Variants in COQ10B observed in about 807,000 individuals in gnomAD.
COQ10B encodes coenzyme Q10B, also known as coenzyme Q-binding protein COQ10 homolog B, mitochondrial.
In COQ10B, 12 loss-of-function variants were observed where a neutral mutation model predicts 27.6. The observed-to-expected ratio is 0.43, with a 90% CI of 0.28 to 0.70. The LOEUF (loss-of-function observed/expected upper bound fraction) is 0.70, where lower values mean the gene tolerates loss of function less well. Ranked by LOEUF, COQ10B falls within the 30% of genes least tolerant of loss-of-function variation. The pLI is 0.17. For synonymous variants in COQ10B, 115 were observed against 103.0 expected (o/e 1.12, Z -0.71); for missense variants, 278 against 288.7 (o/e 0.96, Z 0.27).
chr2:197,466,043 G>C (rs184585176), intron 3 of COQ10B, among the ~76,000 whole-genome samples: 1 of 152,232 alleles, frequency 6.6e-6, no homozygotes. Context: ...AGTGAGCCGA[G>C]ATCGCGCCAT....
intron 1 of COQ10B, among the ~76,000 whole-genome samples, chr2:197,454,840 A>G (rs1479291346): frequency 6.6e-6 from 1 of 152,156 alleles, no homozygotes; most frequent in African/African-American, 2.4e-5. Context: ...CCTTTATTAT[A>G]CTTAAGTATA....
At position 197,473,928 on chromosome 2, in the gene COQ10B, C is replaced by T. The variant is rs1358220399; in HGVS notation, c.*4C>T. 7 of 1,471,624 alleles carry T rather than the reference C, an allele frequency of 4.8e-6. No homozygotes were observed. Among genetic ancestry groups the T allele is most frequent in the Non-Finnish European group, 6.4e-6 (7 of 1,101,346 alleles). 91.2% of individuals were successfully genotyped at this position (1,471,624 alleles called of 1,614,324 possible). On this transcript the variant is annotated 3_prime_UTR_variant, in exon 5 of 5. Coordinates refer to ENST00000263960, the MANE Select transcript of COQ10B (RefSeq NM_025147.5). Reference sequence around the variant, plus strand: ...TCATGAAGTCCATCACACATAAAGGCAAAAAAGAACTGGTGCCACCTGCTT... The same window carrying T: ...TCATGAAGTCCATCACACATAAAGGTAAAAAAGAACTGGTGCCACCTGCTT...
chr2:197,464,040 C>CAT (rs1302124731), intron 3 of COQ10B, among the ~76,000 whole-genome samples: 14 of 105,248 alleles, frequency 1.3e-4, no homozygotes, highest in South Asian at 3.6e-4. Context: ...CATACACACA[C>CAT]ATATATATAT....
intron 1 of COQ10B, among the ~76,000 whole-genome samples, chr2:197,459,459 C>G (rs7585371): frequency 0.018 from 2,746 of 152,282 alleles, 86 homozygotes; most frequent in African/African-American, 0.064. Flanking sequence ...AGCCACCATG[C>G]TTGGCATCAG....
intron 2 of COQ10B, 133 bp downstream of exon 2, chr2:197,460,214 T>A: frequency 1.8e-6 from 1 of 547,362 alleles, no homozygotes. Flanking sequence ...CTTTTTCTTT[T>A]TTTTTTTTTT....
intron 1 of COQ10B, among the ~76,000 whole-genome samples, chr2:197,458,116 C>CTTTTTTT (rs140427468): frequency 7.0e-6 from 1 of 143,708 alleles, no homozygotes; most frequent in Non-Finnish European, 1.5e-5. Context: ...TTTTCTTTTT[C>CTTTTTTT]TTTTTTTTTT....
chr2:197,453,810 C>A, intron 1 of COQ10B, 146 bp downstream of exon 1: 1 of 1,013,500 alleles, frequency 9.9e-7, no homozygotes, highest in Non-Finnish European at 1.4e-6. Context: ...TTGCGTTTGG[C>A]ATCTGAGGGA....
At chr2:197,466,676 T>C (rs2085827448) in intron 3 of COQ10B, among the ~76,000 whole-genome samples, 3 of 152,166 alleles carry the variant, frequency 2.0e-5, no homozygotes, top group African/African-American at 7.2e-5. Context: ...GGATAAACTG[T>C]ATTAGAAAAA....
chr2:197,455,835 C>T (rs2085692137), intron 1 of COQ10B, among the ~76,000 whole-genome samples: 2 of 152,114 alleles, frequency 1.3e-5, no homozygotes, highest in Admixed American at 1.3e-4. Flanking sequence ...TGGCGCATGC[C>T]TGTGGTCCCA....
intron 1 of COQ10B, among the ~76,000 whole-genome samples, chr2:197,457,831 AG>A (rs1222130064): frequency 6.6e-6 from 1 of 152,216 alleles, no homozygotes; most frequent in Non-Finnish European, 1.5e-5. Flanking sequence ...CATGTTGGCC[AG>A]GCTGGTCTTG....
chr2:197,470,126 C>T lies in COQ10B; in HGVS notation c.504C>T (p.Ser168=), dbSNP rs2085863519. The part of the protein sequence containing the change: ...FNHLETIWRF[S]PGLPGYPRTC... ...ATTTGGAGACTATTTGGCGTTTTAGCCCAGGTCTTCCTGGCTACCCAAGAA... is the reference window on the plus strand; with the variant it reads ...ATTTGGAGACTATTTGGCGTTTTAGTCCAGGTCTTCCTGGCTACCCAAGAA... The change falls in exon 4 of 5, where the codon AGC becomes AGT. Residue 168 remains serine, a synonymous_variant. Coordinates refer to ENST00000263960, the MANE Select transcript of COQ10B (RefSeq NM_025147.5). 1 of 1,613,284 alleles carries T rather than the reference C, an allele frequency of 6.2e-7. No individual in the cohort carries two copies. The highest frequency in any genetic ancestry group is 1.1e-5 in the South Asian group (1 of 91,034).
At chr2:197,473,698 A>C (rs1045089334) in intron 4 of COQ10B, 59 bp from the exon 5 acceptor site, 23 of 1,059,964 alleles carry the variant, frequency 2.2e-5, no homozygotes, top group Non-Finnish European at 2.7e-5. Context: ...GGAAAACCAA[A>C]AAAAAAAAAA....
chr2:197,458,401 A>G (rs2106046307), intron 1 of COQ10B, among the ~76,000 whole-genome samples: 1 of 152,144 alleles, frequency 6.6e-6, no homozygotes, highest in South Asian at 2.1e-4. Context: ...AGGGATTCCT[A>G]GGTCACCCTG....
intron 3 of COQ10B, among the ~76,000 whole-genome samples, chr2:197,467,213 C>G (rs918623209): frequency 1.1e-4 from 17 of 152,200 alleles, no homozygotes; most frequent in African/African-American, 3.9e-4. Flanking sequence ...TCCCAAAACA[C>G]TGGGATTACA....
At position 197,453,637 on chromosome 2, in the gene COQ10B, G is replaced by A; in HGVS notation, c.77G>A (p.Gly26Glu). ...CGTCCGAAGTCGGCGACAGCGGCCG[G>A]GGCGCAGGCGCCCGTGCGGAATGGC... ...GCRPKSATAA[G>E]AQAPVRNGRY... The change falls in exon 1 of 5, where the codon GGG becomes GAG. Residue 26 changes from glycine (G) to glutamate (E), a missense_variant. By Grantham distance (98) the Gly-to-Glu change is moderately conservative. Around this residue, in one of 3 missense-constraint regions of COQ10B, gnomAD observed 183 missense variants for 158.2 expected, o/e 1.16. Transcript: ENST00000263960. 6.2e-7 allele frequency: 1 copy of A among 1,614,006 alleles called. No individual in the cohort carries two copies. Among genetic ancestry groups the A allele is most frequent in the Non-Finnish European group, 8.5e-7 (1 of 1,179,986 alleles).
intron 1 of COQ10B, chr2:197,454,000 T>G: frequency 1.9e-6 from 3 of 1,551,160 alleles, no homozygotes; most frequent in Non-Finnish European, 2.6e-6. Flanking sequence ...GTTTTAACTT[T>G]GCGCAGAAGG....
intron 4 of COQ10B, among the ~76,000 whole-genome samples, chr2:197,470,820 G>A (rs1377988152): frequency 4.6e-5 from 7 of 152,176 alleles, no homozygotes; most frequent in Non-Finnish European, 7.3e-5. Flanking sequence ...ACTTGAACCC[G>A]GGAGGCGGAG....
intron 1 of COQ10B, among the ~76,000 whole-genome samples, chr2:197,457,623 C>T (rs1244486295): frequency 6.9e-6 from 1 of 144,596 alleles, no homozygotes; most frequent in African/African-American, 2.5e-5. Context: ...TTTTCAATTA[C>T]TTTTTTTTTT....
At chr2:197,473,415 A>AAAAATATATATAT (rs1229206676) in intron 4 of COQ10B, among the ~76,000 whole-genome samples, 1 of 59,520 alleles carries the variant, frequency 1.7e-5, no homozygotes, top group Non-Finnish European at 2.9e-5. Flanking sequence ...AAAAAAAAAA[A>AAAAATATATATAT]ATATATATAT....
Sources: gnomAD v4.1 joint callset for allele counts (sites outside exome capture counted in the v4.1 genomes callset) on GRCh38, gnomAD v4.1.1 for gene constraint, gnomAD v4.1.1 regional missense constraint, MANE v1.5 for transcripts, NCBI Gene and HGNC (gene_info 2026-07-23, HGNC 2026-07-21) for gene names.